Variants in TFAP2A observed in about 807,000 individuals in gnomAD.
TFAP2A encodes transcription factor AP-2 alpha, also known as transcription factor AP-2-alpha.
In TFAP2A, 7 loss-of-function variants were observed where a neutral mutation model predicts 41.5. That is an observed-to-expected ratio of 0.17 (90% CI 0.10 to 0.32). The LOEUF (loss-of-function observed/expected upper bound fraction) is 0.32, where lower values mean the gene tolerates loss of function less well. Among genes scored for constraint, TFAP2A ranks in the 10% least tolerant of loss-of-function variants. The pLI is 1.00. For synonymous variants in TFAP2A, 247 were observed against 242.8 expected, an observed-to-expected ratio of 1.02 and a Z score of -0.16; for missense variants, 416 against 563.3, an observed-to-expected ratio of 0.74 and a Z score of 2.65.
chr6:10,415,174 G>C, upstream of TFAP2A: 3 of 1,502,432 alleles, frequency 2.0e-6, no homozygotes, highest in East Asian at 5.0e-5. Flanking sequence ...GAAGAGGAGG[G>C]CGAGGAGGAG....
At position 10,414,091 on chromosome 6, in the gene TFAP2A, C is replaced by T. The variant is rs1758131178; in HGVS notation, c.51+850G>A. 5.3e-5 allele frequency among the ~76,000 whole-genome samples: 8 copies of T among 152,368 alleles called. No individual in the cohort carries two copies. In the South Asian group the frequency reaches 1.7e-3, roughly 32 times the overall value. On this transcript the variant is annotated intron_variant, in intron 1 of 6. Coordinates refer to ENST00000379613, the MANE Select transcript of TFAP2A (RefSeq NM_001372066.1). ...CGTTTTAAAATGGGTTCCAAAGCGGCGCGCTCTGTCGGCCCAGCGGGCTTG... is the reference window on the plus strand; with the variant it reads ...CGTTTTAAAATGGGTTCCAAAGCGGTGCGCTCTGTCGGCCCAGCGGGCTTG...
chr6:10,409,606 G>A, intron 2 of TFAP2A: 1 of 416,616 alleles, frequency 2.4e-6, no homozygotes, highest in Admixed American at 4.0e-5. Flanking sequence ...GTTTACTGTC[G>A]TCGAGAGGAA....
intron 6 of TFAP2A, 40 bp downstream of exon 6, chr6:10,400,408 A>T: frequency 1.2e-6 from 2 of 1,614,064 alleles, no homozygotes; most frequent in Non-Finnish European, 8.5e-7. Flanking sequence ...CTTTCTCTTG[A>T]CAACGAGACA....
At position 10,400,430 on chromosome 6, in the gene TFAP2A, T is replaced by C. The variant is rs770835433; in HGVS notation, c.1031+18A>G. 5.6e-6 allele frequency: 9 copies of C among 1,614,184 alleles called. No homozygotes were observed. Among genetic ancestry groups the C allele is most frequent in the Admixed American group, 3.3e-5 (2 of 60,028 alleles). The stretch of plus-strand genomic sequence containing the variant: ...TTGACAACGAGACACAGAGACCCCA[T>C]AGAGGTAAATGCCTTACTTTGTAGC... On this transcript the variant is annotated intron_variant, in intron 6 of 6. Coordinates refer to ENST00000379613, the MANE Select transcript of TFAP2A (RefSeq NM_001372066.1).
chr6:10,400,648 T>A (rs1761973216), intron 5 of TFAP2A, 59 bp from the exon 6 acceptor site: 1 of 1,582,580 alleles, frequency 6.3e-7, no homozygotes, highest in Non-Finnish European at 8.7e-7. Flanking sequence ...GGATCCTAAC[T>A]TCCTCCCCAC....
intron 1 of TFAP2A, among the ~76,000 whole-genome samples, chr6:10,413,708 C>T (rs1171864594): frequency 6.6e-6 from 1 of 152,036 alleles, no homozygotes; most frequent in Non-Finnish European, 1.5e-5. Flanking sequence ...GAAAGGAGAA[C>T]GATTTAAAAT....
chr6:10,412,394 G>T, intron 1 of TFAP2A: 1 of 636,822 alleles, frequency 1.6e-6, no homozygotes, highest in Non-Finnish European at 2.0e-6. Context: ...GAAAGTGTGG[G>T]CGAGGGAGAG....
chr6:10,400,302 T>TA (rs1379317083), intron 6 of TFAP2A, 146 bp downstream of exon 6: 1 of 970,308 alleles, frequency 1.0e-6, no homozygotes, highest in South Asian at 1.4e-5. Context: ...TTCCTTAACA[T>TA]AGACTATATA....
Position 10,402,513 on chromosome 6 carries a change from G to A in TFAP2A, c.868C>T (p.Leu290=). Residue 290 remains leucine (L), a synonymous_variant, in exon 5 of 7, where the codon CTG becomes TTG. Coordinates refer to ENST00000379613, the MANE Select transcript of TFAP2A (RefSeq NM_001372066.1). ...AGRRKAANVT[L]LTSLVEGEAV... is the part of the protein sequence containing the mutation. ...TTACCCTCTACTAGTGATGTGAGCA[G>A]GGTAACGTTGGCAGCTTTACGTCTC... The A allele has an allele frequency of 6.2e-7, 1 of 1,613,944 alleles. No homozygotes were observed.
upstream of TFAP2A, among the ~76,000 whole-genome samples, chr6:10,417,401 T>C (rs1371738006): frequency 2.0e-5 from 3 of 152,184 alleles, no homozygotes; most frequent in Non-Finnish European, 2.9e-5. Context: ...CCGCCCCCGG[T>C]GTAGGCGCTG....
intron 6 of TFAP2A, among the ~76,000 whole-genome samples, chr6:10,399,609 C>A (rs1175837439): frequency 2.6e-5 from 4 of 152,212 alleles, no homozygotes; most frequent in African/African-American, 9.6e-5. Flanking sequence ...CCTGGGCTGG[C>A]TCCCTTCTCC....
chr6:10,419,296 G>A (rs1758349703), upstream of TFAP2A: 13 of 1,173,468 alleles, frequency 1.1e-5, 1 homozygote, highest in Non-Finnish European at 1.5e-5. Context: ...GCTGCCAGGC[G>A]CGCCTCACCT....
At chr6:10,400,241 G>C (rs182479636) in intron 6 of TFAP2A, among the ~76,000 whole-genome samples, 1 of 150,692 alleles carries the variant, frequency 6.6e-6, no homozygotes, top group African/African-American at 2.4e-5. Context: ...GAGTAAATGG[G>C]ACAGATGAGA....
chr6:10,419,307 AC>A (rs1758349912), upstream of TFAP2A: 1 of 1,328,698 alleles, frequency 7.5e-7, no homozygotes, highest in African/African-American at 1.4e-5. Flanking sequence ...CGCCTCACCT[AC>A]GACTCCCCTG....
In TFAP2A at chr6:10,400,476, T is replaced by C. The variant is rs1761966876; in HGVS notation, c.1003A>G (p.Thr335Ala). 1 of 1,614,228 alleles carries C rather than the reference T, an allele frequency of 6.2e-7. No individual in the cohort carries two copies. Among genetic ancestry groups the C allele is most frequent in the Non-Finnish European group, 8.5e-7 (1 of 1,180,042 alleles). Reference protein sequence around the residue: ...RQHSDPNEQVTRKNMLLATKQ... With the variant: ...RQHSDPNEQVARKNMLLATKQ... Reference sequence around the variant, plus strand: ...GTAGCCAGGAGCATGTTTTTTCTTGTCACTTGCTCATTGGGATCGGAATGT... The same window carrying C: ...GTAGCCAGGAGCATGTTTTTTCTTGCCACTTGCTCATTGGGATCGGAATGT... The change falls in exon 6 of 7, where the codon ACA becomes GCA. Residue 335 changes from threonine (T) to alanine (A), a missense_variant. Thr to Ala is a moderately conservative substitution (Grantham distance 58, BLOSUM62 0). Transcript: ENST00000379613.
At chr6:10,411,627 T>A in intron 1 of TFAP2A, 1 of 1,612,950 alleles carries the variant, frequency 6.2e-7, no homozygotes, top group Non-Finnish European at 8.5e-7. Flanking sequence ...CGAGTCAGGG[T>A]GGAAAAAAAC....
upstream of TFAP2A, chr6:10,415,483 A>T: frequency 4.3e-6 from 1 of 231,542 alleles, no homozygotes; most frequent in Non-Finnish European, 8.7e-6. Context: ...CTGCCCCAAC[A>T]CCCCCTCTCT....
Position 10,398,165 on chromosome 6 carries a change from AG to A in TFAP2A, c.*251del. ...GTTCTGTTCTCTTAGGCTCCACATG[AG>A]GGCACAGGGGTGTGGGAGCGGGTGG... On this transcript the variant is annotated 3_prime_UTR_variant, in exon 7 of 7. Transcript: ENST00000379613. The surrounding 1 kb of genome is among the most constrained non-coding windows in gnomAD (Gnocchi z 5.3). 1 of 1,422,786 alleles carries A rather than the reference AG, an allele frequency of 7.0e-7. No individual in the cohort carries two copies. Among genetic ancestry groups the A allele is most frequent in the South Asian group, 1.5e-5 (1 of 68,012 alleles). The allele number at this position is 1,422,786 out of a possible 1,614,324, so 88.1% of individuals were successfully genotyped here.
chr6:10,413,199 G>A (rs1214074766), intron 1 of TFAP2A, among the ~76,000 whole-genome samples: 1 of 152,238 alleles, frequency 6.6e-6, no homozygotes, highest in Non-Finnish European at 1.5e-5. Flanking sequence ...TCCGAAACCC[G>A]AAATCCCCGC....
Sources: allele counts gnomAD v4.1 joint callset (sites outside exome capture counted in the v4.1 genomes callset), GRCh38; gene constraint gnomAD v4.1.1; non-coding constraint Gnocchi (gnomAD v3.1); transcripts MANE v1.5; gene names NCBI Gene and HGNC (gene_info 2026-07-23, HGNC 2026-07-21).